Variants in NR3C2 observed in about 807,000 individuals in gnomAD.
The protein encoded by NR3C2 is mineralocorticoid receptor.
A neutral mutation model predicts 86.4 loss-of-function variants in NR3C2; 15 were observed. The observed-to-expected ratio is 0.17, with a 90% confidence interval of 0.12 to 0.27. The LOEUF is 0.27. NR3C2 is among the 10% of genes least tolerant of loss of function. The pLI, the probability that NR3C2 is intolerant of heterozygous loss-of-function variation, is 1.00. For missense variants in NR3C2, 960 were observed against 1,195.6 expected (o/e 0.80, Z 2.91); for synonymous variants, 458 against 450.5 (o/e 1.02, Z -0.21).
intron 2 of NR3C2, among the ~76,000 whole-genome samples, chr4:148,346,621 C>G (rs1386546235): frequency 6.6e-6 from 1 of 151,950 alleles, no homozygotes; most frequent in Non-Finnish European, 1.5e-5. Flanking sequence ...TGGGATACAG[C>G]TAGGGCAAAG....
At chr4:148,402,141 G>A (rs1000351421) in intron 2 of NR3C2, among the ~76,000 whole-genome samples, 4 of 152,120 alleles carry the variant, frequency 2.6e-5, no homozygotes, top group Non-Finnish European at 4.4e-5. Context: ...TTAGCCCAAC[G>A]GTGTGGTCAG....
intron 4 of NR3C2, among the ~76,000 whole-genome samples, chr4:148,155,349 T>C (rs918697940): frequency 2.6e-5 from 4 of 152,306 alleles, no homozygotes; most frequent in African/African-American, 9.6e-5. Flanking sequence ...GACATGATTG[T>C]ATATCTAGAA....
chr4:148,223,093 T>C (rs1359810153), intron 3 of NR3C2, among the ~76,000 whole-genome samples: 1 of 152,034 alleles, frequency 6.6e-6, no homozygotes, highest in Non-Finnish European at 1.5e-5. Context: ...CGACACAAAT[T>C]GAATAGATGA....
chr4:148,148,657 G>A (rs139466610), intron 6 of NR3C2, among the ~76,000 whole-genome samples: 42 of 152,160 alleles, frequency 2.8e-4, no homozygotes, highest in African/African-American at 9.6e-4. Flanking sequence ...TTTCCTCCTC[G>A]TATACTTCCT....
At chr4:148,323,586 C>G (rs1156757329) in intron 2 of NR3C2, among the ~76,000 whole-genome samples, 1 of 151,910 alleles carries the variant, frequency 6.6e-6, no homozygotes, top group Non-Finnish European at 1.5e-5. Flanking sequence ...TCGTGGTGCG[C>G]CGTTTTTTCA....
chr4:148,414,805 T>G (rs1403963487), intron 2 of NR3C2, among the ~76,000 whole-genome samples: 1 of 152,216 alleles, frequency 6.6e-6, no homozygotes, highest in Non-Finnish European at 1.5e-5. Flanking sequence ...ACTATAAAAA[T>G]ACTACTTAGC....
intron 2 of NR3C2, among the ~76,000 whole-genome samples, chr4:148,375,346 C>T (rs949385354): frequency 2.6e-5 from 4 of 151,946 alleles, no homozygotes; most frequent in African/African-American, 4.8e-5. Flanking sequence ...ATCCCAGCTA[C>T]TCGGGAGGCT....
chr4:148,277,149 C>T (rs551023584), intron 2 of NR3C2, among the ~76,000 whole-genome samples: 2 of 152,264 alleles, frequency 1.3e-5, no homozygotes, highest in South Asian at 4.1e-4. Context: ...TCGAGATCAT[C>T]TTTTTCTTTT....
chr4:148,192,623 G>C (rs1219577335), intron 4 of NR3C2, among the ~76,000 whole-genome samples: 1 of 151,586 alleles, frequency 6.6e-6, no homozygotes, highest in Non-Finnish European at 1.5e-5. Context: ...AGGCACGTCT[G>C]AGCTCAGACT....
At chr4:148,416,976 C>G (rs775753054) in intron 2 of NR3C2, among the ~76,000 whole-genome samples, 13 of 152,078 alleles carry the variant, frequency 8.5e-5, no homozygotes, top group Non-Finnish European at 1.8e-4. Flanking sequence ...GGGGTTTCAC[C>G]ATGTTGGCCA....
chr4:148,090,293 C>T (rs1011538144), intron 8 of NR3C2, among the ~76,000 whole-genome samples: 5 of 152,160 alleles, frequency 3.3e-5, no homozygotes, highest in African/African-American at 1.2e-4. Flanking sequence ...TTCAGAGGGG[C>T]TCTCAGGAAA....
intron 2 of NR3C2, among the ~76,000 whole-genome samples, chr4:148,382,827 T>G (rs1050388782): frequency 6.6e-6 from 1 of 152,128 alleles, no homozygotes; most frequent in Non-Finnish European, 1.5e-5. Flanking sequence ...CTTTGAGTAA[T>G]ATTAAAAGGA....
chr4:148,348,779 T>G (rs1423420534), intron 2 of NR3C2, among the ~76,000 whole-genome samples: 1 of 152,132 alleles, frequency 6.6e-6, no homozygotes, highest in Non-Finnish European at 1.5e-5. Flanking sequence ...GTATGTATGG[T>G]CTCAGCTTTT....
upstream of NR3C2, chr4:148,444,004 C>T: frequency 1.0e-6 from 1 of 985,232 alleles, no homozygotes. Context: ...CTGCCCCCGG[C>T]GTCCCCGCAG....
At chr4:148,093,250 C>A (rs1731138107) in intron 8 of NR3C2, among the ~76,000 whole-genome samples, 1 of 152,248 alleles carries the variant, frequency 6.6e-6, no homozygotes, top group Non-Finnish European at 1.5e-5. Flanking sequence ...CTTTTCCATA[C>A]TACCCTCACA....
chr4:148,369,139 A>C (rs577656430), intron 2 of NR3C2, among the ~76,000 whole-genome samples: 66 of 152,344 alleles, frequency 4.3e-4, no homozygotes, highest in African/African-American at 1.3e-3. Context: ...CAGAGAAAAT[A>C]ATTATTTCCC....
In NR3C2 at chr4:148,149,813, A is replaced by G. The variant is rs76400586; in HGVS notation, c.2510+2656T>C. On this transcript the variant is annotated intron_variant, in intron 6 of 8. Transcript: ENST00000358102. Reference sequence around the variant, plus strand: ...ATAAGCATATGAAAACATGTCCAACATCATTAGCCATTAGGGAAATGAAAA... The same window carrying G: ...ATAAGCATATGAAAACATGTCCAACGTCATTAGCCATTAGGGAAATGAAAA... Among the ~76,000 whole-genome samples the G allele has an allele frequency of 1.5e-3, 228 of 152,376 alleles. 1 individual carries two copies. Among genetic ancestry groups the G allele is most frequent in the Middle Eastern group, 6.8e-3 (2 of 294 alleles).
intron 2 of NR3C2, among the ~76,000 whole-genome samples, chr4:148,343,702 G>A (rs1268533578): frequency 6.6e-6 from 1 of 152,076 alleles, no homozygotes; most frequent in Admixed American, 6.6e-5. Flanking sequence ...AAAGGTATAT[G>A]AGAAAGTTTA....
chr4:148,251,116 TTTG>T (rs1188176201), intron 3 of NR3C2, among the ~76,000 whole-genome samples: 1 of 151,902 alleles, frequency 6.6e-6, no homozygotes, highest in South Asian at 2.1e-4. Flanking sequence ...CGCCTAATTT[TTTG>T]TTGTTGTTAT....
Sources: gnomAD v4.1 joint callset for allele counts (sites outside exome capture counted in the v4.1 genomes callset) on GRCh38, gnomAD v4.1.1 for gene constraint, MANE v1.5 for transcripts, NCBI Gene and HGNC (gene_info 2026-07-23, HGNC 2026-07-21) for gene names.